CADM2: variants seen among roughly 807,000 people sequenced by gnomAD.
CADM2 encodes the protein cell adhesion molecule 2.
A neutral mutation model predicts 49.8 loss-of-function variants in CADM2; 12 were observed. The observed-to-expected ratio is 0.24, with a 90% CI of 0.15 to 0.39. The LOEUF (loss-of-function observed/expected upper bound fraction) is 0.39. Ranked by LOEUF, CADM2 falls within the 10% of genes least tolerant of loss-of-function variation. The pLI, the probability that CADM2 is intolerant of heterozygous loss-of-function variation, is 1.00. For missense variants in CADM2, 378 were observed against 492.3 expected (o/e 0.77, Z 2.20); for synonymous variants, 214 against 175.4 (o/e 1.22, Z -1.74).
At chr3:86,046,488 A>G (rs1243858763) in intron 8 of CADM2, among the ~76,000 whole-genome samples, 1 of 152,072 alleles carries the variant, frequency 6.6e-6, no homozygotes, top group Non-Finnish European at 1.5e-5. Flanking sequence ...GACATGTGGC[A>G]ATGTTTGGGG....
intron 8 of CADM2, among the ~76,000 whole-genome samples, chr3:85,965,798 A>G (rs772251602): frequency 1.3e-5 from 2 of 151,690 alleles, no homozygotes; most frequent in African/African-American, 2.4e-5. Flanking sequence ...CCATTTTATC[A>G]TGCAAGGTAT....
chr3:85,567,946 C>G (rs555300113), intron 1 of CADM2, among the ~76,000 whole-genome samples: 1 of 152,266 alleles, frequency 6.6e-6, no homozygotes, highest in African/African-American at 2.4e-5. Context: ...AAGGGAGGCC[C>G]CGCTCTAGGG....
At chr3:85,529,994 G>T (rs2061261899) in intron 1 of CADM2, among the ~76,000 whole-genome samples, 1 of 152,026 alleles carries the variant, frequency 6.6e-6, no homozygotes, top group Admixed American at 6.5e-5. Flanking sequence ...GTAGTGATAT[G>T]GTTAGGCTTT....
chr3:85,418,909 T>C (rs6808400), intron 1 of CADM2, among the ~76,000 whole-genome samples: 85,714 of 151,818 alleles, frequency 0.56, 25,219 homozygotes, highest in East Asian at 0.83. Context: ...TTCTCAATAT[T>C]ATGGCTATAT....
chr3:85,700,120 T>C (rs2066706096), intron 1 of CADM2, among the ~76,000 whole-genome samples: 1 of 151,996 alleles, frequency 6.6e-6, no homozygotes, highest in South Asian at 2.1e-4. Context: ...ATAAAGAAAA[T>C]GTGGCACACA....
At chr3:85,329,631 T>G (rs2044858075) in intron 1 of CADM2, among the ~76,000 whole-genome samples, 1 of 152,012 alleles carries the variant, frequency 6.6e-6, no homozygotes, top group Non-Finnish European at 1.5e-5. Flanking sequence ...ACACATCATA[T>G]TTATTATCCT....
At chr3:85,547,218 C>G (rs1219840221) in intron 1 of CADM2, among the ~76,000 whole-genome samples, 1 of 151,956 alleles carries the variant, frequency 6.6e-6, no homozygotes, top group African/African-American at 2.4e-5. Flanking sequence ...AATATAATAT[C>G]TAACAAATGG....
chr3:85,799,284 C>G (rs2071837202), intron 2 of CADM2, among the ~76,000 whole-genome samples: 1 of 152,182 alleles, frequency 6.6e-6, no homozygotes, highest in African/African-American at 2.4e-5. Flanking sequence ...CCTGATTGTT[C>G]TGGCTAGAAT....
intron 1 of CADM2, among the ~76,000 whole-genome samples, chr3:85,063,766 A>T (rs573551990): frequency 1.6e-4 from 24 of 152,176 alleles, no homozygotes; most frequent in African/African-American, 5.8e-4. Flanking sequence ...AAATGAGAAC[A>T]TGAGTTCCAC....
chr3:85,995,014 TA>T (rs59038758), intron 8 of CADM2, among the ~76,000 whole-genome samples: 3,544 of 83,040 alleles, frequency 0.043, 109 homozygotes, highest in Middle Eastern at 0.062. Context: ...TTCGATTTGT[TA>T]AAAAAAAAAA....
At chr3:85,283,773 C>G (rs2043561260) in intron 1 of CADM2, among the ~76,000 whole-genome samples, 1 of 152,056 alleles carries the variant, frequency 6.6e-6, no homozygotes, top group Non-Finnish European at 1.5e-5. Flanking sequence ...AATGTGAAGT[C>G]AAGTCCAATG....
chr3:84,972,034 C>G (rs1009787336), intron 1 of CADM2, among the ~76,000 whole-genome samples: 5 of 152,072 alleles, frequency 3.3e-5, no homozygotes, highest in African/African-American at 1.2e-4. Flanking sequence ...TATCAATGGA[C>G]TAATTAAAAC....
At chr3:85,216,416 A>G (rs1433918549) in intron 1 of CADM2, among the ~76,000 whole-genome samples, 2 of 149,832 alleles carry the variant, frequency 1.3e-5, no homozygotes, top group Non-Finnish European at 3.0e-5. Flanking sequence ...TTAATTTTAC[A>G]TTATCCAATG....
At chr3:85,648,540 C>CT in intron 1 of CADM2, among the ~76,000 whole-genome samples, 1 of 152,058 alleles carries the variant, frequency 6.6e-6, no homozygotes, top group East Asian at 1.9e-4. Flanking sequence ...ATCTTTAACT[C>CT]TGATTCTATA....
intron 1 of CADM2, among the ~76,000 whole-genome samples, chr3:85,193,032 TA>T (rs1304307097): frequency 2.0e-5 from 3 of 152,134 alleles, no homozygotes; most frequent in African/African-American, 7.2e-5. Flanking sequence ...TTTGGCTTTT[TA>T]AGCCTAAAGT....
At chr3:85,224,841 C>T (rs2042120628) in intron 1 of CADM2, among the ~76,000 whole-genome samples, 1 of 152,108 alleles carries the variant, frequency 6.6e-6, no homozygotes, top group Admixed American at 6.6e-5. Flanking sequence ...TTTCCCAACA[C>T]CATTTATTAA....
At chr3:85,944,237 A>C (rs893842455) in intron 7 of CADM2, among the ~76,000 whole-genome samples, 1 of 152,158 alleles carries the variant, frequency 6.6e-6, no homozygotes, top group African/African-American at 2.4e-5. Context: ...CTAAATATAT[A>C]TGCGCCCAAT....
At position 86,072,148 on chromosome 3, in the gene CADM2, T is replaced by G. The variant is rs1703318153; in HGVS notation, c.*5365T>G. 1 of 151,898 alleles carries G rather than the reference T, an allele frequency of 6.6e-6. No individual in the cohort carries two copies. Among genetic ancestry groups the G allele is most frequent in the Non-Finnish European group, 1.5e-5 (1 of 67,880 alleles). The allele number at this position is 151,898 out of a possible 1,614,324, so 9.4% of individuals were successfully genotyped here. A position where few individuals can be genotyped will look rare whatever the true frequency, so the allele number is the denominator to read the frequency against. On this transcript the variant is annotated 3_prime_UTR_variant, in exon 10 of 10. Transcript: ENST00000383699. ...TTATCCTAAAAGAAATGACAGATTC[T>G]TCTGTAGGAAAAAATAAAAACATGA...
At chr3:85,449,077 G>A (rs12486239) in intron 1 of CADM2, among the ~76,000 whole-genome samples, 76,212 of 129,170 alleles carry the variant, frequency 0.59, 21,960 homozygotes, top group East Asian at 0.85. Context: ...TAATAATAAT[G>A]ATAAAAATTA....
Sources: gnomAD v4.1 joint callset for allele counts (sites outside exome capture counted in the v4.1 genomes callset) on GRCh38, gnomAD v4.1.1 for gene constraint, MANE v1.5 for transcripts, NCBI Gene and HGNC (gene_info 2026-07-23, HGNC 2026-07-21) for gene names.